Variants in CNTN6 observed in about 807,000 individuals in gnomAD.
CNTN6 encodes contactin-6.
A neutral mutation model predicts 122.8 loss-of-function variants in CNTN6; 137 were observed. The ratio of observed to expected loss-of-function variants is 1.12; its 90% CI spans 0.97 to 1.29. CNTN6 has a LOEUF of 1.29. Among genes scored for constraint, CNTN6 ranks in the 50% most tolerant of loss-of-function variants. The probability of loss-of-function intolerance (pLI) is 0.00; values close to 1 mark genes in which losing one functional copy is unlikely to be tolerated. For missense variants in CNTN6, 1,634 were observed against 1,223.4 expected, an observed-to-expected ratio of 1.34 and a Z score of -5.01; for synonymous variants, 570 against 426.0, an observed-to-expected ratio of 1.34 and a Z score of -4.16.
chr3:1,331,256 C>T (rs1173621441), intron 11 of CNTN6, among the ~76,000 whole-genome samples: 1 of 151,976 alleles, frequency 6.6e-6, no homozygotes, highest in Admixed American at 6.6e-5. Flanking sequence ...TAAAGCTTTT[C>T]CCAGGACAGG....
At chr3:1,352,050 C>T (rs2126073951) in intron 11 of CNTN6, among the ~76,000 whole-genome samples, 1 of 151,960 alleles carries the variant, frequency 6.6e-6, no homozygotes, top group South Asian at 2.1e-4. Context: ...CCAAGCACTG[C>T]TTTTATTTTT....
intron 7 of CNTN6, among the ~76,000 whole-genome samples, chr3:1,300,526 A>G (rs1320223167): frequency 7.2e-6 from 1 of 138,320 alleles, no homozygotes; most frequent in African/African-American, 3.2e-5. Context: ...AGAAAGAAAG[A>G]TAAAGAAAGA....
chr3:1,393,874 T>A (rs1349681886), intron 20 of CNTN6, among the ~76,000 whole-genome samples: 1 of 152,228 alleles, frequency 6.6e-6, no homozygotes, highest in Non-Finnish European at 1.5e-5. Context: ...AGATTTTCTG[T>A]ATGATATATA....
chr3:1,177,158 A>C (rs1159136596), intron 2 of CNTN6, among the ~76,000 whole-genome samples: 2 of 152,212 alleles, frequency 1.3e-5, no homozygotes, highest in Non-Finnish European at 2.9e-5. Context: ...AAAGTAAAAA[A>C]TGTGAGGAAA....
chr3:1,307,791 A>G (rs1698595744), intron 7 of CNTN6, among the ~76,000 whole-genome samples: 1 of 152,138 alleles, frequency 6.6e-6, no homozygotes, highest in South Asian at 2.1e-4. Context: ...ATTTGTCATA[A>G]TTAGACTGGG....
At chr3:1,302,030 G>A (rs485105) in intron 7 of CNTN6, among the ~76,000 whole-genome samples, 9,034 of 152,008 alleles carry the variant, frequency 0.059, 939 homozygotes, top group African/African-American at 0.21. Flanking sequence ...AAATTAACAA[G>A]CATAAAAGGC....
intron 20 of CNTN6, among the ~76,000 whole-genome samples, chr3:1,387,880 A>G (rs1301559642): frequency 1.3e-5 from 2 of 152,148 alleles, no homozygotes; most frequent in Non-Finnish European, 2.9e-5. Context: ...GCACCACGAG[A>G]TTATATCCTG....
At chr3:1,249,886 A>G (rs1008022964) in intron 4 of CNTN6, among the ~76,000 whole-genome samples, 2 of 151,054 alleles carry the variant, frequency 1.3e-5, no homozygotes, top group South Asian at 2.1e-4. Flanking sequence ...ACCCTCTGCC[A>G]GCTGCCTCTC....
At chr3:1,238,564 C>G (rs535701489) in intron 4 of CNTN6, among the ~76,000 whole-genome samples, 1 of 152,244 alleles carries the variant, frequency 6.6e-6, no homozygotes, top group African/African-American at 2.4e-5. Flanking sequence ...AAACAATGGA[C>G]TTAAACTATA....
In CNTN6 at chr3:1,385,633, C is replaced by G; in HGVS notation, c.2540C>G (p.Ser847Cys). 1 of 1,613,684 alleles carries G rather than the reference C, an allele frequency of 6.2e-7. No homozygotes were observed. The highest frequency in any genetic ancestry group is 1.1e-5 in the South Asian group (1 of 91,042). The change falls in exon 20 of 23, where the codon TCC becomes TGC. Residue 847 changes from serine to cysteine, a missense_variant. Ser to Cys is a moderately radical substitution (Grantham distance 112). Coordinates refer to ENST00000446702, the MANE Select transcript of CNTN6 (RefSeq NM_001289080.2). ...CAGGTCTTATACTGGACAGATGACT[C>G]CAAAGAATCCATGATAGGTAAAATT... is the stretch of plus-strand genomic sequence containing the variant. Reference protein sequence around the residue: ...GYEVLYWTDDSKESMIGKIRV... With the variant: ...GYEVLYWTDDCKESMIGKIRV...
In CNTN6 at chr3:1,277,346, C is replaced by CTTTTTTTTTTTTTTTTTTTTTTTT. The variant is rs10599744; in HGVS notation, c.359-1059_359-1036dup. On this transcript the variant is annotated intron_variant, in intron 4 of 22. Transcript: ENST00000446702. ...CTACTTCTGTCTTTTAGTAGGTTTT[C>CTTTTTTTTTTTTTTTTTTTTTTTT]TTTTTTTTTTTTTTTTTTTTTTTTT... 1.2e-4 allele frequency among the ~76,000 whole-genome samples: 10 copies of CTTTTTTTTTTTTTTTTTTTTTTTT among 80,192 alleles called. 1 individual carries two copies. Among genetic ancestry groups the CTTTTTTTTTTTTTTTTTTTTTTTT allele is most frequent in the Non-Finnish European group, 1.9e-4 (8 of 41,122 alleles). The allele number at this position is 80,192 out of a possible 152,430, so 52.6% of individuals were successfully genotyped here.
chr3:1,156,168 C>T (rs1190623888), intron 2 of CNTN6, among the ~76,000 whole-genome samples: 1 of 152,184 alleles, frequency 6.6e-6, no homozygotes, highest in Non-Finnish European at 1.5e-5. Context: ...CTCCTTATAT[C>T]ATTGTGATAT....
chr3:1,167,779 C>G (rs17034617), intron 2 of CNTN6, among the ~76,000 whole-genome samples: 4,084 of 152,286 alleles, frequency 0.027, 171 homozygotes, highest in African/African-American at 0.091. Context: ...CTGCTAGATT[C>G]AACCGCTGTT....
chr3:1,338,869 G>T (rs887231495), intron 11 of CNTN6, among the ~76,000 whole-genome samples: 1 of 152,130 alleles, frequency 6.6e-6, no homozygotes, highest in African/African-American at 2.4e-5. Flanking sequence ...AAAGAAAATG[G>T]TTGATGACAG....
intron 4 of CNTN6, among the ~76,000 whole-genome samples, chr3:1,262,100 C>G (rs2094855035): frequency 6.6e-6 from 1 of 152,112 alleles, no homozygotes; most frequent in African/African-American, 2.4e-5. Flanking sequence ...TTCTGCCTGT[C>G]TTATAAATAA....
chr3:1,266,913 C>T (rs921127816), intron 4 of CNTN6, among the ~76,000 whole-genome samples: 2 of 151,744 alleles, frequency 1.3e-5, no homozygotes, highest in African/African-American at 2.4e-5. Flanking sequence ...GGCCAGACTC[C>T]CTCAGACCTC....
At chr3:1,341,978 A>T (rs1450441928) in intron 11 of CNTN6, among the ~76,000 whole-genome samples, 1 of 152,178 alleles carries the variant, frequency 6.6e-6, no homozygotes, top group Non-Finnish European at 1.5e-5. Context: ...CCTTTCAGTT[A>T]ACTACCTAAA....
chr3:1,355,586 T>A (rs1706416239), intron 12 of CNTN6, among the ~76,000 whole-genome samples: 2 of 151,758 alleles, frequency 1.3e-5, no homozygotes, highest in Admixed American at 6.6e-5. Flanking sequence ...GGCTTAATAG[T>A]TGTGTATATA....
intron 2 of CNTN6, among the ~76,000 whole-genome samples, chr3:1,175,284 G>C (rs559201055): frequency 4.1e-5 from 6 of 146,200 alleles, no homozygotes; most frequent in Non-Finnish European, 1.5e-5. Context: ...AATTCCACTT[G>C]ATCTAAGGAG....
Sources: allele counts gnomAD v4.1 joint callset (sites outside exome capture counted in the v4.1 genomes callset), GRCh38; gene constraint gnomAD v4.1.1; transcripts MANE v1.5; gene names NCBI Gene and HGNC (gene_info 2026-07-23, HGNC 2026-07-21).